PRKN: variants seen among roughly 807,000 people sequenced by gnomAD.
The protein encoded by PRKN is E3 ubiquitin-protein ligase parkin.
PRKN carries 56 observed loss-of-function variants against 59.5 expected under a neutral mutation model. The ratio of observed to expected loss-of-function variants is 0.94; its 90% CI spans 0.76 to 1.18. The LOEUF (loss-of-function observed/expected upper bound fraction) is 1.18, where lower values mean the gene tolerates loss of function less well. PRKN is among the 50% of genes most tolerant of loss of function. The pLI, the probability that PRKN is intolerant of heterozygous loss-of-function variation, is 0.00. For synonymous variants in PRKN, 250 were observed against 222.1 expected (o/e 1.13, Z -1.12); for missense variants, 657 against 596.4 (o/e 1.10, Z -1.06).
chr6:162,474,090 G>A (rs1791889590), intron 1 of PRKN, among the ~76,000 whole-genome samples: 2 of 152,162 alleles, frequency 1.3e-5, no homozygotes, highest in South Asian at 4.1e-4. Flanking sequence ...AACGCCCTTT[G>A]CCACTTATAT....
At chr6:162,149,369 C>G (rs543123607) in intron 4 of PRKN, among the ~76,000 whole-genome samples, 1 of 152,136 alleles carries the variant, frequency 6.6e-6, no homozygotes, top group African/African-American at 2.4e-5. Context: ...CTCGCCCTCC[C>G]TAGTAGCTGG....
intron 2 of PRKN, among the ~76,000 whole-genome samples, chr6:162,266,888 T>G (rs550352649): frequency 6.6e-6 from 1 of 152,330 alleles, no homozygotes; most frequent in Admixed American, 6.5e-5. Flanking sequence ...TGCACACTTC[T>G]GTTTGGAAAA....
intron 2 of PRKN, among the ~76,000 whole-genome samples, chr6:162,372,491 C>T (rs1785820383): frequency 1.3e-5 from 2 of 152,080 alleles, no homozygotes; most frequent in Admixed American, 6.6e-5. Context: ...AAAATAACTT[C>T]CGAGAGGGTT....
chr6:161,507,615 T>A (rs1778222453), intron 9 of PRKN, among the ~76,000 whole-genome samples: 4 of 152,196 alleles, frequency 2.6e-5, no homozygotes, highest in Admixed American at 1.3e-4. Flanking sequence ...CAGGAAGGGA[T>A]GCTCTCTTCC....
In PRKN at chr6:161,352,772, T is replaced by TATATATATA. The variant is rs71004042; in HGVS notation, c.1286-2562_1286-2561insTATATATAT. ...GTGTGTGTGTATATATATATATATA[T>TATATATATA]TTTATTTTATTTTATTTTATTTTTT... On this transcript the variant is annotated intron_variant, in intron 11 of 11. Transcript: ENST00000366898. The surrounding 1 kb of genome is among the most constrained non-coding windows in gnomAD (Gnocchi z 5.8). Among the ~76,000 whole-genome samples, 9 of 100,380 alleles carry TATATATATA rather than the reference T, an allele frequency of 9.0e-5. No homozygotes were observed. The highest frequency in any genetic ancestry group is 3.9e-4 in the South Asian group (1 of 2,534). 65.9% of individuals were successfully genotyped at this position (100,380 alleles called of 152,430 possible).
At chr6:162,046,619 C>T (rs1054413305) in intron 5 of PRKN, among the ~76,000 whole-genome samples, 2 of 152,120 alleles carry the variant, frequency 1.3e-5, no homozygotes, top group African/African-American at 2.4e-5. Context: ...ATTATTTTTT[C>T]ATGTAGCAGT....
At chr6:161,722,507 C>T (rs1247115376) in intron 7 of PRKN, among the ~76,000 whole-genome samples, 1 of 152,086 alleles carries the variant, frequency 6.6e-6, no homozygotes, top group East Asian at 1.9e-4. Context: ...TGAACATAAC[C>T]CTGGCTACAT....
At chr6:162,509,281 T>A (rs1178679669) in intron 1 of PRKN, among the ~76,000 whole-genome samples, 1 of 152,166 alleles carries the variant, frequency 6.6e-6, no homozygotes, top group South Asian at 2.1e-4. Flanking sequence ...TGGTATCCAT[T>A]AGGGACCCTT....
rs551973027 is a variant in PRKN at position 161,777,682 on chromosome 6, T to A, written c.871+8090A>T. On this transcript the variant is annotated intron_variant, in intron 7 of 11. Coordinates refer to ENST00000366898, the MANE Select transcript of PRKN (RefSeq NM_004562.3). ...TATTATATATATGAGAATATATATA[T>A]AATATATATATACACAATATATAAG... 9.8e-5 allele frequency among the ~76,000 whole-genome samples: 14 copies of A among 142,818 alleles called. No homozygotes were observed. The South Asian group carries it at 1.1e-3, about 11-fold the overall frequency. The allele number at this position is 142,818 out of a possible 152,430, so 93.7% of individuals were successfully genotyped here. A position where few individuals can be genotyped will look rare whatever the true frequency, so the allele number is the denominator to read the frequency against.
chr6:162,510,896 C>T (rs1777579386), intron 1 of PRKN, among the ~76,000 whole-genome samples: 1 of 151,990 alleles, frequency 6.6e-6, no homozygotes, highest in African/African-American at 2.4e-5. Context: ...GCACTCCACC[C>T]TGGGCAATAG....
intron 2 of PRKN, among the ~76,000 whole-genome samples, chr6:162,285,649 A>G (rs1378651595): frequency 6.6e-6 from 1 of 152,182 alleles, no homozygotes; most frequent in African/African-American, 2.4e-5. Flanking sequence ...TGTAATCATC[A>G]AACCACACTG....
intron 7 of PRKN, among the ~76,000 whole-genome samples, chr6:161,724,290 G>C (rs971987008): frequency 6.6e-6 from 1 of 152,178 alleles, no homozygotes; most frequent in African/African-American, 2.4e-5. Context: ...CAAGGATATT[G>C]CAACTTTCTA....
At chr6:162,619,037 A>G (rs1366232728) in intron 1 of PRKN, among the ~76,000 whole-genome samples, 1 of 152,198 alleles carries the variant, frequency 6.6e-6, no homozygotes, top group Non-Finnish European at 1.5e-5. Context: ...AAATGACTAT[A>G]ATAACTTTAC....
At chr6:162,468,394 T>C (rs1791541555) in intron 1 of PRKN, among the ~76,000 whole-genome samples, 1 of 152,160 alleles carries the variant, frequency 6.6e-6, no homozygotes. Flanking sequence ...AAAAATGAAT[T>C]CATTTGATTG....
At chr6:161,682,224 A>G (rs1785393116) in intron 7 of PRKN, among the ~76,000 whole-genome samples, 1 of 152,340 alleles carries the variant, frequency 6.6e-6, no homozygotes, top group African/African-American at 2.4e-5. Flanking sequence ...ACTTGGGAAC[A>G]CACAGGTGTG....
intron 9 of PRKN, among the ~76,000 whole-genome samples, chr6:161,412,836 C>T (rs748213389): frequency 1.2e-4 from 18 of 151,958 alleles, no homozygotes; most frequent in Non-Finnish European, 1.8e-4. Context: ...TCCTTCCTCA[C>T]TCATTCCTCC....
chr6:162,394,204 T>C (rs962933937), intron 2 of PRKN, among the ~76,000 whole-genome samples: 2 of 152,192 alleles, frequency 1.3e-5, no homozygotes, highest in African/African-American at 4.8e-5. Context: ...ATTTTAGGAC[T>C]ATAAACATTA....
intron 3 of PRKN, among the ~76,000 whole-genome samples, chr6:162,249,024 GCACCAC>G (rs1406579312): frequency 6.6e-6 from 1 of 151,716 alleles, no homozygotes; most frequent in South Asian, 2.1e-4. Context: ...GACTACAGGT[GCACCAC>G]CACCACACCC....
intron 2 of PRKN, among the ~76,000 whole-genome samples, chr6:162,326,509 A>T (rs772476048): frequency 6.6e-6 from 1 of 152,138 alleles, no homozygotes; most frequent in Admixed American, 6.5e-5. Flanking sequence ...GCTTTTGAGA[A>T]TTGCTTTTGC....
Sources: allele counts gnomAD v4.1 joint callset (sites outside exome capture counted in the v4.1 genomes callset), GRCh38; gene constraint gnomAD v4.1.1; non-coding constraint Gnocchi (gnomAD v3.1); transcripts MANE v1.5; gene names NCBI Gene and HGNC (gene_info 2026-07-23, HGNC 2026-07-21).